The following MERTK variants were observed in gnomAD, a reference collection of about 807,000 sequenced individuals.
MERTK encodes MER proto-oncogene, tyrosine kinase.
A neutral mutation model predicts 99.3 loss-of-function variants in MERTK; 69 were observed. The ratio of observed to expected loss-of-function variants is 0.70; its 90% CI spans 0.57 to 0.85. The LOEUF is 0.85. Among genes scored for constraint, MERTK ranks in the 40% least tolerant of loss-of-function variants. The pLI, the probability that MERTK is intolerant of heterozygous loss-of-function variation, is 0.00. For missense variants in MERTK, 1,125 were observed against 1,249.4 expected, an observed-to-expected ratio of 0.90 and a Z score of 1.50; for synonymous variants, 426 against 467.6, an observed-to-expected ratio of 0.91 and a Z score of 1.15.
chr2:111,968,227 C>T lies in MERTK; in HGVS notation c.935C>T (p.Ser312Phe). ...TGGGTTCCTGGTTTTGATGGATACT[C>T]CCCGTTCAGGAATTGCAGCATTCAG... ...ISWVPGFDGY[S>F]PFRNCSIQVK... The change falls in exon 6 of 19, where the codon TCC (serine) becomes TTC (phenylalanine). Residue 312 changes from serine (S) to phenylalanine (F), a missense_variant. Coordinates refer to ENST00000295408, the MANE Select transcript of MERTK (RefSeq NM_006343.3). 4.3e-6 allele frequency: 7 copies of T among 1,613,782 alleles called. No homozygotes were observed. The highest frequency in any genetic ancestry group is 5.9e-6 in the Non-Finnish European group (7 of 1,179,784).
At chr2:112,005,874 T>C (rs1269605447) in intron 13 of MERTK, among the ~76,000 whole-genome samples, 1 of 152,142 alleles carries the variant, frequency 6.6e-6, no homozygotes, top group Non-Finnish European at 1.5e-5. Context: ...ATGAAAAGGC[T>C]GAAGTTTATT....
rs141156645 is a variant in MERTK at position 111,922,512 on chromosome 2, A to G, written c.62-6608A>G. ...CCATGCATTGTCCAAGGCAGACATC[A>G]CTAATTAAACTCAGCCCTTATCCCC... On this transcript the variant is annotated intron_variant, in intron 1 of 18. Transcript: ENST00000295408. 2.5e-3 allele frequency among the ~76,000 whole-genome samples: 376 copies of G among 152,304 alleles called. 1 individual carries two copies. Among genetic ancestry groups the G allele is most frequent in the Middle Eastern group, 3.4e-3 (1 of 294 alleles).
intron 1 of MERTK, among the ~76,000 whole-genome samples, 176 bp from the exon 2 acceptor site, chr2:111,928,944 G>A (rs998920600): frequency 1.3e-5 from 2 of 151,948 alleles, no homozygotes; most frequent in African/African-American, 4.8e-5. Context: ...GTTTACAAAC[G>A]AATGAACTGG....
chr2:111,978,283 G>A (rs748798043), intron 7 of MERTK, among the ~76,000 whole-genome samples: 2 of 152,002 alleles, frequency 1.3e-5, no homozygotes, highest in African/African-American at 4.8e-5. Flanking sequence ...CTGAGTAGCT[G>A]GGATTACAGG....
At chr2:111,977,178 T>A (rs557797690) in intron 7 of MERTK, among the ~76,000 whole-genome samples, 16 of 152,350 alleles carry the variant, frequency 1.1e-4, no homozygotes, top group Admixed American at 2.6e-4. Flanking sequence ...AGAACTTTTT[T>A]AAAAATCATT....
At chr2:111,995,974 CA>C (rs1676727288) in intron 9 of MERTK, among the ~76,000 whole-genome samples, 1 of 151,536 alleles carries the variant, frequency 6.6e-6, no homozygotes, top group Non-Finnish European at 1.5e-5. Flanking sequence ...AAAACAAGAA[CA>C]AAGACAATGA....
chr2:111,961,454 C>T (rs1437592580), intron 4 of MERTK, among the ~76,000 whole-genome samples: 1 of 152,028 alleles, frequency 6.6e-6, no homozygotes, highest in Admixed American at 6.6e-5. Flanking sequence ...CGCACCCGGC[C>T]GGCGTTTTAA....
At chr2:111,928,132 A>G (rs1055430265) in intron 1 of MERTK, among the ~76,000 whole-genome samples, 1 of 150,486 alleles carries the variant, frequency 6.6e-6, no homozygotes, top group African/African-American at 2.4e-5. Context: ...AAGCTTCAGT[A>G]TTCTATAGCT....
In MERTK at chr2:111,965,224, C is replaced by G. The variant is rs199779970; in HGVS notation, c.791C>G (p.Ala264Gly). 555 of 1,614,180 alleles carry G rather than the reference C, an allele frequency of 3.4e-4. 1 individual carries two copies. The highest frequency in any genetic ancestry group is 7.6e-4 in the South Asian group (69 of 91,082). ...GAGATGGCGGTCTTCAGTTGTGAGGCCCACAATGACAAAGGGCTGACCGTG... is the reference window on the plus strand; with the variant it reads ...GAGATGGCGGTCTTCAGTTGTGAGGGCCACAATGACAAAGGGCTGACCGTG... ...LTEMAVFSCE[A>G]HNDKGLTVSK... The change falls in exon 5 of 19, where the codon GCC becomes GGC. Residue 264 changes from alanine to glycine, a missense_variant. By Grantham distance (60) the Ala-to-Gly change is moderately conservative (BLOSUM62 0). Transcript: ENST00000295408.
intron 1 of MERTK, among the ~76,000 whole-genome samples, chr2:111,921,675 G>A (rs1238852872): frequency 1.3e-5 from 2 of 152,152 alleles, no homozygotes; most frequent in African/African-American, 4.8e-5. Flanking sequence ...GTTCATGTGT[G>A]CTTGAGTTGG....
chr2:111,945,658 C>T (rs1221034617), intron 3 of MERTK, among the ~76,000 whole-genome samples: 1 of 152,204 alleles, frequency 6.6e-6, no homozygotes, highest in Non-Finnish European at 1.5e-5. Context: ...CAATCTCTGC[C>T]CTCAGGGAAC....
At chr2:111,978,134 TTTGTTTTTTGGTTGTTTTTTG>T (rs1558794559) in intron 7 of MERTK, among the ~76,000 whole-genome samples, 16 of 147,626 alleles carry the variant, frequency 1.1e-4, no homozygotes, top group African/African-American at 3.6e-4. Flanking sequence ...TTTTTTATGT[TTTGTTTTTTGGTTGTTTTTTG>T]TTTTTTTTTT....
intron 9 of MERTK, 109 bp downstream of exon 9, chr2:111,994,513 A>G: frequency 6.7e-7 from 1 of 1,497,410 alleles, no homozygotes; most frequent in Non-Finnish European, 9.3e-7. Flanking sequence ...ATGAAAAATA[A>G]GGCTGGGCTT....
At chr2:111,910,610 G>GTGTGTATATATATATA (rs370882764) in intron 1 of MERTK, among the ~76,000 whole-genome samples, 34 of 143,662 alleles carry the variant, frequency 2.4e-4, no homozygotes, top group Non-Finnish European at 2.4e-4. Context: ...GTGTGTGTGT[G>GTGTGTATATATATATA]TATATATATA....
At chr2:111,951,522 C>CATATATATATATATATACATATATAT (rs1685054451) in intron 4 of MERTK, among the ~76,000 whole-genome samples, 1 of 85,870 alleles carries the variant, frequency 1.2e-5, no homozygotes, top group Non-Finnish European at 2.5e-5. Context: ...ATAATATTCC[C>CATATATATATATATATACATATATAT]ATATATATAT....
At chr2:111,927,035 C>G (rs1243586897) in intron 1 of MERTK, among the ~76,000 whole-genome samples, 1 of 152,160 alleles carries the variant, frequency 6.6e-6, no homozygotes, top group African/African-American at 2.4e-5. Context: ...GGGCTCCAGG[C>G]CAGCCCACAG....
rs1162296660 is a variant in MERTK, at chr2:112,008,412, G to T, written c.1897G>T (p.Glu633Ter). The T allele has an allele frequency of 6.2e-7, 1 of 1,614,046 alleles. No individual in the cohort carries two copies. Among genetic ancestry groups the T allele is most frequent in the Admixed American group, 1.7e-5 (1 of 60,014 alleles). ...CAACTCTTCACAGCGGGAGATCGAG[G>T]AGTTTCTCAGTGAGGCAGCGTGCAT... Reference protein sequence around the residue: ...LDNSSQREIEEFLSEAACMKD... With the variant: ...LDNSSQREIE Residue 633 changes from glutamate (E) to a stop codon, truncating the protein, a stop_gained, in exon 14 of 19, where the codon GAG becomes TAG. Coordinates refer to ENST00000295408, the MANE Select transcript of MERTK (RefSeq NM_006343.3). LOFTEE classifies it high-confidence loss of function.
chr2:112,002,158 C>G (rs1392653553), intron 11 of MERTK, among the ~76,000 whole-genome samples: 4 of 151,930 alleles, frequency 2.6e-5, no homozygotes, highest in African/African-American at 4.8e-5. Flanking sequence ...GAACTGGTCC[C>G]CTTCTGGTTA....
intron 13 of MERTK, among the ~76,000 whole-genome samples, chr2:112,005,614 G>T (rs1182628771): frequency 2.6e-5 from 4 of 152,108 alleles, no homozygotes; most frequent in Non-Finnish European, 4.4e-5. Flanking sequence ...CTATCACTGG[G>T]GAACTTAGAA....
Sources: gnomAD v4.1 joint callset for allele counts (sites outside exome capture counted in the v4.1 genomes callset) on GRCh38, gnomAD v4.1.1 for gene constraint, MANE v1.5 for transcripts, NCBI Gene and HGNC (gene_info 2026-07-23, HGNC 2026-07-21) for gene names.